TEX9: variants seen among roughly 807,000 people sequenced by gnomAD.
TEX9 encodes testis-expressed protein 9.
TEX9 carries 74 observed loss-of-function variants against 59.6 expected under a neutral mutation model. That is an observed-to-expected ratio of 1.24 (90% CI 1.03 to 1.51). TEX9 has a LOEUF of 1.51. Ranked by LOEUF, TEX9 falls within the 40% of genes most tolerant of loss-of-function variation. TEX9 has a pLI of 0.00. For synonymous variants in TEX9, 186 were observed against 152.2 expected (o/e 1.22, Z -1.64); for missense variants, 522 against 447.8 (o/e 1.17, Z -1.49).
chr15:56,362,448 A>G (rs953131103), upstream of TEX9, among the ~76,000 whole-genome samples: 1 of 152,184 alleles, frequency 6.6e-6, no homozygotes, highest in Admixed American at 6.5e-5. Flanking sequence ...TTTGTTTGAA[A>G]TTAATATAGC....
At chr15:56,424,651 C>T (rs1024140911) in intron 10 of TEX9, among the ~76,000 whole-genome samples, 4 of 152,072 alleles carry the variant, frequency 2.6e-5, no homozygotes, top group Admixed American at 1.3e-4. Flanking sequence ...CAGCCCCTGC[C>T]CTACCTTGTG....
chr15:56,374,726 A>G (rs550087438), intron 3 of TEX9: 16 of 152,220 alleles, frequency 1.1e-4, no homozygotes, highest in African/African-American at 3.4e-4. Context: ...GTCTCTGATA[A>G]CCATTCTTCA....
intron 12 of TEX9, chr15:56,434,513 A>C: frequency 9.2e-7 from 1 of 1,084,166 alleles, no homozygotes; most frequent in East Asian, 2.5e-5. Context: ...ACAAACTGAA[A>C]AAGTAAGGCT....
intron 1 of TEX9, among the ~76,000 whole-genome samples, chr15:56,306,405 C>T (rs2045487911): frequency 6.6e-6 from 1 of 151,952 alleles, no homozygotes; most frequent in East Asian, 1.9e-4. Context: ...GGTACCTATA[C>T]ACAATGGAAT....
At chr15:56,405,074 T>A (rs1289366850) in intron 9 of TEX9, among the ~76,000 whole-genome samples, 1 of 152,118 alleles carries the variant, frequency 6.6e-6, no homozygotes, top group Non-Finnish European at 1.5e-5. Flanking sequence ...GATACATGTA[T>A]ACCCATGTAT....
chr15:56,393,110 A>G (rs1307399867), intron 7 of TEX9, among the ~76,000 whole-genome samples: 1 of 152,188 alleles, frequency 6.6e-6, no homozygotes, highest in Non-Finnish European at 1.5e-5. Flanking sequence ...GAGTTGAGGT[A>G]GAGTTACTAA....
At chr15:56,256,760 A>G (rs1349297482) in intron 1 of TEX9, among the ~76,000 whole-genome samples, 2 of 152,018 alleles carry the variant, frequency 1.3e-5, no homozygotes, top group Non-Finnish European at 2.9e-5. Flanking sequence ...GCTAATTTTT[A>G]CTTATTTATT....
At chr15:56,329,329 T>G (rs1180568572) in intron 1 of TEX9, among the ~76,000 whole-genome samples, 1 of 152,082 alleles carries the variant, frequency 6.6e-6, no homozygotes, top group African/African-American at 2.4e-5. Flanking sequence ...AAGCCCAGAC[T>G]GTAAATAAAG....
intron 1 of TEX9, among the ~76,000 whole-genome samples, chr15:56,319,037 A>G (rs1290416037): frequency 2.0e-5 from 3 of 152,106 alleles, no homozygotes; most frequent in Non-Finnish European, 2.9e-5. Context: ...ACAAAAGAAA[A>G]TTATTTAATT....
intron 1 of TEX9, among the ~76,000 whole-genome samples, chr15:56,304,635 T>A (rs1421132170): frequency 6.6e-6 from 1 of 152,236 alleles, no homozygotes; most frequent in Non-Finnish European, 1.5e-5. Flanking sequence ...ATGATCTTTT[T>A]AATACATTGT....
At chr15:56,244,013 A>G (rs1161619588) in exon 1 of TEX9, 1 of 150,670 alleles carries the variant, frequency 6.6e-6, no homozygotes, top group African/African-American at 2.4e-5. Flanking sequence ...CCAGCGGGCC[A>G]GGGAAGCGCG....
chr15:56,426,099 C>T (rs2140271066), intron 10 of TEX9, among the ~76,000 whole-genome samples: 1 of 152,298 alleles, frequency 6.6e-6, no homozygotes, highest in Middle Eastern at 3.4e-3. Flanking sequence ...GGACTCACTA[C>T]ACCTCTCACA....
At chr15:56,405,120 T>TA (rs1385216494) in intron 9 of TEX9, among the ~76,000 whole-genome samples, 5 of 151,990 alleles carry the variant, frequency 3.3e-5, no homozygotes, top group Admixed American at 1.3e-4. Context: ...CCCTAGAACT[T>TA]AAAAGTATAT....
At chr15:56,380,200 G>A (rs1412802971) in intron 3 of TEX9, among the ~76,000 whole-genome samples, 1 of 151,960 alleles carries the variant, frequency 6.6e-6, no homozygotes, top group South Asian at 2.1e-4. Context: ...TTGGCTTGAG[G>A]TTACTGTGAG....
intron 1 of TEX9, among the ~76,000 whole-genome samples, chr15:56,284,854 A>C (rs189265940): frequency 1.3e-5 from 2 of 152,018 alleles, no homozygotes; most frequent in African/African-American, 4.8e-5. Flanking sequence ...TGTTTTAACT[A>C]TTTGTTTGTT....
At chr15:56,370,271 A>G (rs75717219) in intron 2 of TEX9, among the ~76,000 whole-genome samples, 4,210 of 152,180 alleles carry the variant, frequency 0.028, 196 homozygotes, top group African/African-American at 0.095. Context: ...TTTAAATTAG[A>G]TAATATTTTA....
intron 1 of TEX9, among the ~76,000 whole-genome samples, chr15:56,315,227 T>C (rs2045725657): frequency 7.2e-6 from 1 of 138,552 alleles, no homozygotes; most frequent in Non-Finnish European, 1.6e-5. Flanking sequence ...CGTTAGTTGA[T>C]GCAGTTTCTT....
At chr15:56,388,955 G>A (rs1235033569) in intron 5 of TEX9, among the ~76,000 whole-genome samples, 1 of 152,002 alleles carries the variant, frequency 6.6e-6, no homozygotes, top group African/African-American at 2.4e-5. Flanking sequence ...GGAGACCTAA[G>A]CCAAGGGAAC....
At chr15:56,363,942 A>C (rs1366585467), upstream of TEX9, among the ~76,000 whole-genome samples, 1 of 151,128 alleles carries the variant, frequency 6.6e-6, no homozygotes, top group African/African-American at 2.4e-5. Context: ...CTTAGCCTCC[A>C]AAGTGCTCAT....
Sources: gnomAD v4.1 joint callset for allele counts (sites outside exome capture counted in the v4.1 genomes callset) on GRCh38, gnomAD v4.1.1 for gene constraint, MANE v1.5 for transcripts, NCBI Gene and HGNC (gene_info 2026-07-23, HGNC 2026-07-21) for gene names.